The following CPNE9 variants were observed in gnomAD, a reference collection of about 807,000 sequenced individuals.
CPNE9 encodes the protein copine-9.
CPNE9 carries 59 observed loss-of-function variants against 83.0 expected under a neutral mutation model. The observed-to-expected ratio is 0.71, with a 90% CI of 0.58 to 0.88. CPNE9 has a LOEUF of 0.88. CPNE9 is among the 40% of genes least tolerant of loss of function. CPNE9 has a pLI of 0.00. For missense variants in CPNE9, 619 were observed against 720.8 expected, an observed-to-expected ratio of 0.86 and a Z score of 1.62; for synonymous variants, 256 against 273.4, an observed-to-expected ratio of 0.94 and a Z score of 0.63.
intron 20 of CPNE9, among the ~76,000 whole-genome samples, chr3:9,729,061 G>C (rs62245631): frequency 6.6e-6 from 1 of 152,166 alleles, no homozygotes; most frequent in Non-Finnish European, 1.5e-5. Context: ...TTAGAGAGCA[G>C]ATAGACCCAG....
At chr3:9,720,848 C>A (rs1025666476) in intron 17 of CPNE9, among the ~76,000 whole-genome samples, 1 of 152,198 alleles carries the variant, frequency 6.6e-6, no homozygotes, top group Non-Finnish European at 1.5e-5. Context: ...CGGAGCCAGA[C>A]TAGCCAAGTT....
chr3:9,708,756 C>T (rs899245267), intron 7 of CPNE9, among the ~76,000 whole-genome samples: 9 of 151,908 alleles, frequency 5.9e-5, no homozygotes, highest in South Asian at 2.1e-4. Context: ...CCTCAGCCTC[C>T]GGAGTAGCTG....
At chr3:9,722,060 G>T (rs766214844) in intron 17 of CPNE9, among the ~76,000 whole-genome samples, 7 of 151,946 alleles carry the variant, frequency 4.6e-5, no homozygotes, top group Non-Finnish European at 1.0e-4. Context: ...TGGGATTACA[G>T]GTGCGCACCA....
In CPNE9 at chr3:9,719,996, AATATATATATATACAT is replaced by A. The variant is rs2076720431; in HGVS notation, c.1241+1407_1241+1422del. On this transcript the variant is annotated intron_variant, in intron 17 of 20. Coordinates refer to ENST00000383832, the MANE Select transcript of CPNE9 (RefSeq NM_153635.3). Reference sequence around the variant, plus strand: ...ACAGAGCAAGACTCTGTCTCAAAAAAATATATATATATACATATATATATATATGCACACACACACA... The same window carrying A: ...ACAGAGCAAGACTCTGTCTCAAAAAAATATATATATATGCACACACACACA... 4.0e-5 allele frequency among the ~76,000 whole-genome samples: 6 copies of A among 150,444 alleles called. No homozygotes were observed. In the South Asian group the frequency reaches 1.3e-3, roughly 32 times the overall value.
intron 15 of CPNE9, 30 bp downstream of exon 15, chr3:9,717,134 G>C (rs890701521): frequency 6.2e-7 from 1 of 1,612,788 alleles, no homozygotes; most frequent in African/African-American, 1.3e-5. Context: ...AAAAGTCGGA[G>C]GTGGGAAGGC....
chr3:9,709,183 G>A (rs1237557975), intron 7 of CPNE9, among the ~76,000 whole-genome samples: 1 of 147,984 alleles, frequency 6.8e-6, no homozygotes, highest in African/African-American at 2.5e-5. Context: ...GGCTGAGGCA[G>A]TAAAATCGCC....
At position 9,717,935 on chromosome 3, in the gene CPNE9, A is replaced by G. The variant is rs1044800287; in HGVS notation, c.932-94A>G. On this transcript the variant is annotated intron_variant, in intron 15 of 20. Coordinates refer to ENST00000383832, the MANE Select transcript of CPNE9 (RefSeq NM_153635.3). ...GAGGACATGGGTAGAGGGCAGATAA[A>G]TGGATATAGGTGGATGAATGCACAC... The G allele has an allele frequency of 4.6e-6, 5 of 1,091,852 alleles. No homozygotes were observed. In the African/African-American group the frequency reaches 7.9e-5, roughly 17 times the overall value. The allele number at this position is 1,091,852 out of a possible 1,614,324, so 67.6% of individuals were successfully genotyped here.
chr3:9,708,881 G>A lies in CPNE9; in HGVS notation c.377+2818G>A, dbSNP rs183019467. Among the ~76,000 whole-genome samples, 297 of 151,774 alleles carry A rather than the reference G, an allele frequency of 2.0e-3. 1 individual carries two copies. Among genetic ancestry groups the A allele is most frequent in the African/African-American group, 6.5e-3 (268 of 41,510 alleles). ...GATCTCCTGACCTCATGATCCGCCC[G>A]CCTCGGCCTCCCAAAGTACTGGGAT... is the stretch of plus-strand genomic sequence containing the variant. On this transcript the variant is annotated intron_variant, in intron 7 of 20. Transcript: ENST00000383832.
chr3:9,720,925 T>C (rs1168778105), intron 17 of CPNE9, among the ~76,000 whole-genome samples: 1 of 152,226 alleles, frequency 6.6e-6, no homozygotes, highest in Non-Finnish European at 1.5e-5. Context: ...CTGCGCCTTA[T>C]TCCTCATTTG....
At chr3:9,713,160 TATC>T in intron 10 of CPNE9, 81 bp downstream of exon 10, 1 of 1,081,936 alleles carries the variant, frequency 9.2e-7, no homozygotes, top group Non-Finnish European at 1.4e-6. Context: ...ATAGTAGAAG[TATC>T]ATAATAGCGT....
intron 11 of CPNE9, 23 bp downstream of exon 11, chr3:9,714,978 C>G: frequency 6.2e-7 from 1 of 1,608,998 alleles, no homozygotes; most frequent in South Asian, 1.1e-5. Flanking sequence ...CACATGGTCC[C>G]TTCTCCTGTA....
intron 7 of CPNE9, among the ~76,000 whole-genome samples, chr3:9,711,029 A>T (rs1194033973): frequency 6.6e-6 from 1 of 151,846 alleles, no homozygotes; most frequent in Non-Finnish European, 1.5e-5. Context: ...CCCAACTCTT[A>T]AAAAAAAGTG....
chr3:9,703,931 C>G lies in CPNE9; in HGVS notation c.-66C>G, dbSNP rs2076530891. 7.4e-7 allele frequency: 1 copy of G among 1,359,334 alleles called. No homozygotes were observed. Among genetic ancestry groups the G allele is most frequent in the Non-Finnish European group, 9.9e-7 (1 of 1,014,464 alleles). The allele number at this position is 1,359,334 out of a possible 1,614,324, so 84.2% of individuals were successfully genotyped here. A position where few individuals can be genotyped will look rare whatever the true frequency, so the allele number is the denominator to read the frequency against. On this transcript the variant is annotated 5_prime_UTR_variant, in exon 1 of 21. Coordinates refer to ENST00000383832, the MANE Select transcript of CPNE9 (RefSeq NM_153635.3). The stretch of plus-strand genomic sequence containing the variant: ...GGCACATGGGCCGGCCCCGCCGCTG[C>G]CGTCGCCCCTAGCCCCAGCAGCCCT...
rs543178453 is a variant in CPNE9, at chr3:9,716,049, C to G, written c.884+14C>G. On this transcript the variant is annotated intron_variant, in intron 14 of 20. Transcript: ENST00000383832. ...CATCAAGGGAGGGTGAGTCACAGGC[C>G]AAGCTCTGGGCTGAAAGCCCGGCAA... The G allele has an allele frequency of 3.1e-6, 5 of 1,603,988 alleles. No homozygotes were observed. The South Asian group carries it at 4.5e-5, about 14-fold the overall frequency.
At position 9,704,605 on chromosome 3, in the gene CPNE9, T is replaced by TA; in HGVS notation, c.88dup (p.Thr30AsnfsTer31). On this transcript the variant is annotated frameshift_variant, in exon 2 of 21. Transcript: ENST00000383832. LOFTEE classifies it high-confidence loss of function. The surrounding 1 kb of genome is among the most constrained non-coding windows in gnomAD (Gnocchi z 7.1). ...TCTCTAGGAACCTGCTAGACCTTGATACCTTCTCCAAGTCCGACCCCAGTA... is the reference window on the plus strand; with the variant it reads ...TCTCTAGGAACCTGCTAGACCTTGATAACCTTCTCCAAGTCCGACCCCAGTA... The TA allele has an allele frequency of 6.2e-7, 1 of 1,614,060 alleles. No individual in the cohort carries two copies. Among genetic ancestry groups the TA allele is most frequent in the Middle Eastern group, 1.6e-4 (1 of 6,062 alleles).
intron 7 of CPNE9, among the ~76,000 whole-genome samples, chr3:9,707,727 G>A (rs998985756): frequency 6.7e-6 from 1 of 149,312 alleles, no homozygotes; most frequent in Admixed American, 6.7e-5. Context: ...TAAACTCCTG[G>A]GCTCAAGCCT....
At chr3:9,708,726 G>A (rs992807156) in intron 7 of CPNE9, among the ~76,000 whole-genome samples, 4 of 151,568 alleles carry the variant, frequency 2.6e-5, no homozygotes, top group African/African-American at 4.8e-5. Context: ...TCCGCCTCCC[G>A]GGTTCACGCC....
chr3:9,718,306 AG>A, intron 16 of CPNE9, 96 bp downstream of exon 16: 1 of 1,408,368 alleles, frequency 7.1e-7, no homozygotes, highest in Non-Finnish European at 9.7e-7. Flanking sequence ...AAGGGCATGT[AG>A]AGGAACAGGA....
In CPNE9 at chr3:9,704,194, GA is replaced by G; in HGVS notation, c.68+131del. The G allele has an allele frequency of 1.2e-6, 1 of 849,006 alleles. No individual in the cohort carries two copies. The highest frequency in any genetic ancestry group is 1.8e-6 in the Non-Finnish European group (1 of 548,800). 52.6% of individuals were successfully genotyped at this position (849,006 alleles called of 1,614,324 possible). On this transcript the variant is annotated intron_variant, in intron 1 of 20. Transcript: ENST00000383832. The surrounding 1 kb of genome is among the most constrained non-coding windows in gnomAD (Gnocchi z 7.1). ...AATTGGCTGGAAAATCACAGCTGAT[GA>G]CAGGGCGAGTAGCTGGTGGGATCGA...
Sources: allele counts gnomAD v4.1 joint callset (sites outside exome capture counted in the v4.1 genomes callset), GRCh38; gene constraint gnomAD v4.1.1; non-coding constraint Gnocchi (gnomAD v3.1); transcripts MANE v1.5; gene names NCBI Gene and HGNC (gene_info 2026-07-23, HGNC 2026-07-21).